Variants in EXD2 observed in about 807,000 individuals in gnomAD.
EXD2 encodes the protein exonuclease 3'-5' domain containing 2.
In EXD2, 40 loss-of-function variants were observed where a neutral mutation model predicts 62.5. That is an observed-to-expected ratio of 0.64 (90% confidence interval 0.50 to 0.83). EXD2 has a LOEUF of 0.83. Among genes scored for constraint, EXD2 ranks in the 40% least tolerant of loss-of-function variants. The pLI, the probability that EXD2 is intolerant of heterozygous loss-of-function variation, is 0.00. For synonymous variants in EXD2, 239 were observed against 291.9 expected, an observed-to-expected ratio of 0.82 and a Z score of 1.85; for missense variants, 671 against 761.8, an observed-to-expected ratio of 0.88 and a Z score of 1.40.
At chr14:69,225,510 A>G (rs1295547189) in intron 3 of EXD2, among the ~76,000 whole-genome samples, 1 of 152,220 alleles carries the variant, frequency 6.6e-6, no homozygotes. Context: ...TTTTGTGTAT[A>G]TATAACACAT....
Position 69,206,467 on chromosome 14 carries a change from T to C in EXD2, c.-48+2467T>C, listed in dbSNP as rs1212851724. Among the ~76,000 whole-genome samples the C allele has an allele frequency of 4.3e-4, 51 of 119,734 alleles. 5 individuals carry two copies. The highest frequency in any genetic ancestry group is 1.1e-3 in the Admixed American group (14 of 12,540). 78.6% of individuals were successfully genotyped at this position (119,734 alleles called of 152,430 possible). ...TCCCACCCACCCACTTTTTTTTTTT[T>C]TTTTTTTTTTTTTTTTTTTGAGATA... On this transcript the variant is annotated intron_variant, in intron 2 of 9. Transcript: ENST00000685843.
intron 2 of EXD2, chr14:69,208,913 C>G (rs1357543959): frequency 1.3e-5 from 2 of 152,240 alleles, no homozygotes; most frequent in Non-Finnish European, 2.9e-5. Flanking sequence ...ACTGCCGCAC[C>G]TTCCAGAGAA....
chr14:69,211,266 G>A (rs2042796858), intron 3 of EXD2, among the ~76,000 whole-genome samples: 1 of 151,816 alleles, frequency 6.6e-6, no homozygotes, highest in African/African-American at 2.4e-5. Flanking sequence ...TCTTTACCAG[G>A]AGTAGATTCC....
rs962982511 is a variant in EXD2, at chr14:69,242,096, G to C, written c.*996G>C. The C allele has an allele frequency of 1.0e-5, 4 of 398,468 alleles. No individual in the cohort carries two copies. The highest frequency in any genetic ancestry group is 4.4e-5 in the Admixed American group (1 of 22,710). 24.7% of individuals were successfully genotyped at this position (398,468 alleles called of 1,614,324 possible). A position where few individuals can be genotyped will look rare whatever the true frequency, so the allele number is the denominator to read the frequency against. Reference sequence around the variant, plus strand: ...TCTCCTCTGAAGCCTGGGACACTGAGCTTACTTAATACATTAGATGTTCAA... The same window carrying C: ...TCTCCTCTGAAGCCTGGGACACTGACCTTACTTAATACATTAGATGTTCAA... On this transcript the variant is annotated 3_prime_UTR_variant, in exon 10 of 10. Transcript: ENST00000685843.
intron 1 of EXD2, among the ~76,000 whole-genome samples, chr14:69,194,691 C>T (rs933617933): frequency 5.9e-5 from 9 of 152,098 alleles, no homozygotes; most frequent in Admixed American, 6.6e-5. Flanking sequence ...AGACTGTCTT[C>T]TGTTCTATGG....
At chr14:69,233,236 T>C (rs1344790758) in intron 5 of EXD2, among the ~76,000 whole-genome samples, 1 of 152,162 alleles carries the variant, frequency 6.6e-6, no homozygotes, top group Non-Finnish European at 1.5e-5. Context: ...TTGTTGGATC[T>C]AGGTGGAAAA....
At chr14:69,194,116 C>T (rs2140171979) in intron 1 of EXD2, among the ~76,000 whole-genome samples, 1 of 148,894 alleles carries the variant, frequency 6.7e-6, no homozygotes, top group East Asian at 2.0e-4. Context: ...TTTCCAAATA[C>T]TGTCACCTCG....
intron 2 of EXD2, among the ~76,000 whole-genome samples, chr14:69,207,008 A>G (rs969120817): frequency 6.6e-6 from 1 of 152,238 alleles, no homozygotes; most frequent in African/African-American, 2.4e-5. Context: ...TTCCTCTTCA[A>G]TAAAAGCACT....
At position 69,243,963 on chromosome 14, in the gene EXD2, A is replaced by G. The variant is rs2044044066; in HGVS notation, c.*2863A>G. The G allele has an allele frequency of 2.6e-5, 4 of 152,128 alleles. No individual in the cohort carries two copies. Among genetic ancestry groups the G allele is most frequent in the Admixed American group, 2.6e-4 (4 of 15,284 alleles). 9.4% of individuals were successfully genotyped at this position (152,128 alleles called of 1,614,324 possible). A position where few individuals can be genotyped will look rare whatever the true frequency, so the allele number is the denominator to read the frequency against. The stretch of plus-strand genomic sequence containing the variant: ...TCAATGTTTTTTGGAAACACTGTTT[A>G]TTTTAAAATAAAAATGTAAAAAAAA... On this transcript the variant is annotated 3_prime_UTR_variant, in exon 10 of 10. Coordinates refer to ENST00000685843, the MANE Select transcript of EXD2 (RefSeq NM_001193360.2).
intron 2 of EXD2, among the ~76,000 whole-genome samples, chr14:69,206,455 C>CTTTTTTTTTTT (rs56333403): frequency 1.7e-4 from 16 of 94,638 alleles, no homozygotes; most frequent in African/African-American, 3.2e-4. Flanking sequence ...CACCCACCCA[C>CTTTTTTTTTTT]TTTTTTTTTT....
chr14:69,239,423 A>T (rs1340459120), intron 9 of EXD2, among the ~76,000 whole-genome samples: 1 of 152,180 alleles, frequency 6.6e-6, no homozygotes, highest in Non-Finnish European at 1.5e-5. Context: ...CAAATATTTA[A>T]TTTTTTTAGA....
At chr14:69,215,298 A>ATATGTG (rs151123113) in intron 3 of EXD2, among the ~76,000 whole-genome samples, 1 of 102,094 alleles carries the variant, frequency 9.8e-6, no homozygotes, top group African/African-American at 2.7e-5. Flanking sequence ...TCAAAAATAT[A>ATATGTG]TGTGTGTGTG....
chr14:69,215,332 G>GTGTA (rs1284604662), intron 3 of EXD2, among the ~76,000 whole-genome samples: 1 of 151,154 alleles, frequency 6.6e-6, no homozygotes, highest in Non-Finnish European at 1.5e-5. Flanking sequence ...GTGTGTGTGT[G>GTGTA]TATAATACAA....
chr14:69,205,203 G>C (rs2042548940), intron 2 of EXD2, among the ~76,000 whole-genome samples: 2 of 152,184 alleles, frequency 1.3e-5, no homozygotes, highest in African/African-American at 4.8e-5. Flanking sequence ...GCTTTGTTGT[G>C]TATTCTTTCT....
At chr14:69,208,502 G>T (rs773007430) in intron 2 of EXD2, among the ~76,000 whole-genome samples, 1 of 151,956 alleles carries the variant, frequency 6.6e-6, no homozygotes, top group Non-Finnish European at 1.5e-5. Flanking sequence ...GAGCCACCGC[G>T]CCCGGCCCAG....
At chr14:69,238,769 G>T (rs893221004) in intron 9 of EXD2, among the ~76,000 whole-genome samples, 1 of 151,938 alleles carries the variant, frequency 6.6e-6, no homozygotes, top group Non-Finnish European at 1.5e-5. Flanking sequence ...CAAGTAGCTG[G>T]GACTACAAGC....
At position 69,201,672 on chromosome 14, in the gene EXD2, GTTTTTTTTTTTTTTT is replaced by G. The variant is rs71102634; in HGVS notation, c.-131-2231_-131-2217del. On this transcript the variant is annotated intron_variant, in intron 1 of 9. Coordinates refer to ENST00000685843, the MANE Select transcript of EXD2 (RefSeq NM_001193360.2). ...GTCTCTCTCAGCAAGTGTTTTCTCT[GTTTTTTTTTTTTTTT>G]TTTTTTTTTTTTTGAGACAGAGTCT... 2.6e-3 allele frequency among the ~76,000 whole-genome samples: 154 copies of G among 59,046 alleles called. 1 individual carries two copies. In the South Asian group the frequency reaches 0.027, roughly 10 times the overall value. 38.7% of individuals were successfully genotyped at this position (59,046 alleles called of 152,430 possible). A position where few individuals can be genotyped will look rare whatever the true frequency, so the allele number is the denominator to read the frequency against.
intron 1 of EXD2, among the ~76,000 whole-genome samples, chr14:69,198,519 T>C (rs1445918969): frequency 6.6e-6 from 1 of 152,228 alleles, no homozygotes; most frequent in Non-Finnish European, 1.5e-5. Context: ...TCCTGTAGGA[T>C]AATGATGGCC....
rs972444932 is a variant in EXD2, at chr14:69,240,114, G to T, written c.1650-770G>T. Among the ~76,000 whole-genome samples, 5 of 152,156 alleles carry T rather than the reference G, an allele frequency of 3.3e-5. No homozygotes were observed. In the East Asian group the frequency reaches 9.6e-4, roughly 29 times the overall value. ...GAGACGCCAACACTGCTGGGGTGGC[G>T]GGTGTCTTGGGAGGGAGGATTGAAC... On this transcript the variant is annotated intron_variant, in intron 9 of 9. Transcript: ENST00000685843.
Sources: allele counts gnomAD v4.1 joint callset (sites outside exome capture counted in the v4.1 genomes callset), GRCh38; gene constraint gnomAD v4.1.1; transcripts MANE v1.5; gene names NCBI Gene and HGNC (gene_info 2026-07-23, HGNC 2026-07-21).